HPSE2: variants seen among roughly 807,000 people sequenced by gnomAD.
The protein encoded by HPSE2 is inactive heparanase-2.
HPSE2 carries 38 observed loss-of-function variants against 60.5 expected under a neutral mutation model. That is an observed-to-expected ratio of 0.63 (90% confidence interval 0.48 to 0.82). The LOEUF (loss-of-function observed/expected upper bound fraction) is 0.82, where lower values mean the gene tolerates loss of function less well. Ranked by LOEUF, HPSE2 falls within the 40% of genes least tolerant of loss-of-function variation. HPSE2 has a pLI of 0.00. For synonymous variants in HPSE2, 295 were observed against 293.2 expected (o/e 1.01, Z -0.06); for missense variants, 713 against 740.4 (o/e 0.96, Z 0.43).
At chr10:99,211,942 C>A (rs898078848) in intron 2 of HPSE2, among the ~76,000 whole-genome samples, 2 of 152,030 alleles carry the variant, frequency 1.3e-5, no homozygotes, top group African/African-American at 4.8e-5. Flanking sequence ...TATTTGCAAA[C>A]CACACATCTG....
intron 3 of HPSE2, among the ~76,000 whole-genome samples, chr10:99,007,257 G>A (rs1424086086): frequency 6.6e-6 from 1 of 152,080 alleles, no homozygotes; most frequent in East Asian, 1.9e-4. Context: ...CTGGAGTCTG[G>A]GGCTGTGAGG....
At chr10:98,578,432 T>A (rs934446760) in intron 9 of HPSE2, among the ~76,000 whole-genome samples, 3 of 152,184 alleles carry the variant, frequency 2.0e-5, no homozygotes, top group Non-Finnish European at 4.4e-5. Context: ...TGGGCCACAC[T>A]CCTGCTTTTT....
chr10:99,121,251 T>A (rs1409954076), intron 3 of HPSE2, among the ~76,000 whole-genome samples: 1 of 151,658 alleles, frequency 6.6e-6, no homozygotes, highest in Non-Finnish European at 1.5e-5. Context: ...TGAAAACAAA[T>A]GGACACATAG....
At chr10:99,227,545 A>G (rs1441463789) in intron 2 of HPSE2, among the ~76,000 whole-genome samples, 2 of 152,080 alleles carry the variant, frequency 1.3e-5, no homozygotes, top group Non-Finnish European at 2.9e-5. Context: ...TTAAAAAATA[A>G]GCATCAAGAA....
At chr10:98,723,954 C>G (rs1436286093) in intron 4 of HPSE2, among the ~76,000 whole-genome samples, 1 of 152,076 alleles carries the variant, frequency 6.6e-6, no homozygotes, top group Non-Finnish European at 1.5e-5. Context: ...TTTTTTGTGT[C>G]TCTATTTCCT....
At chr10:99,122,983 T>C (rs1054952653) in intron 3 of HPSE2, among the ~76,000 whole-genome samples, 2 of 152,080 alleles carry the variant, frequency 1.3e-5, no homozygotes, top group Admixed American at 6.5e-5. Context: ...TGTGGGAGTA[T>C]AATATAATAT....
chr10:99,244,423 T>TATTATTATTTG, the HPSE2 span, among the ~76,000 whole-genome samples: 1 of 142,380 alleles, frequency 7.0e-6, no homozygotes, highest in African/African-American at 2.6e-5. Flanking sequence ...TTATTATTAT[T>TATTATTATTTG]TGAGACACGG....
intron 3 of HPSE2, among the ~76,000 whole-genome samples, chr10:98,911,878 T>G (rs1269152067): frequency 6.6e-6 from 1 of 152,194 alleles, no homozygotes; most frequent in African/African-American, 2.4e-5. Flanking sequence ...GGATATGGGT[T>G]TAAAACCTGG....
chr10:99,054,945 C>T (rs1255432990), intron 3 of HPSE2, among the ~76,000 whole-genome samples: 1 of 152,048 alleles, frequency 6.6e-6, no homozygotes, highest in Non-Finnish European at 1.5e-5. Flanking sequence ...AACTCCTGAC[C>T]TTGTGATCTG....
chr10:99,175,118 A>G (rs1847472398), intron 2 of HPSE2, among the ~76,000 whole-genome samples: 1 of 152,154 alleles, frequency 6.6e-6, no homozygotes. Context: ...TTCACAACCC[A>G]CAGACCAGGA....
intron 9 of HPSE2, among the ~76,000 whole-genome samples, chr10:98,491,209 T>A (rs11189632): frequency 1.7e-4 from 1 of 5,992 alleles, no homozygotes; most frequent in Non-Finnish European, 4.6e-3. Flanking sequence ...TCTGATAATC[T>A]TTTTTTTTTT....
chr10:98,606,076 C>G (rs975207836), intron 9 of HPSE2, among the ~76,000 whole-genome samples: 1 of 152,142 alleles, frequency 6.6e-6, no homozygotes, highest in Non-Finnish European at 1.5e-5. Flanking sequence ...TTTAGTCTCC[C>G]CTTCTAGACT....
chr10:99,048,246 A>G, intron 3 of HPSE2: 1 of 551,894 alleles, frequency 1.8e-6, no homozygotes, highest in Middle Eastern at 4.6e-4. Flanking sequence ...TGCTTCAAAG[A>G]AGCAAATAAC....
intron 3 of HPSE2, among the ~76,000 whole-genome samples, chr10:98,749,947 T>TATATATATATATATATACACACAC: frequency 0.04 from 3,957 of 98,324 alleles, 152 homozygotes; most frequent in Admixed American, 0.095. Context: ...TATATATATA[T>TATATATATATATATATACACACAC]ACACACACAC....
intron 9 of HPSE2, among the ~76,000 whole-genome samples, chr10:98,611,616 C>G (rs184539107): frequency 6.6e-6 from 1 of 152,214 alleles, no homozygotes; most frequent in East Asian, 1.9e-4. Context: ...ATTCCCAGGT[C>G]TGTCTCCATT....
intron 2 of HPSE2, among the ~76,000 whole-genome samples, chr10:99,145,782 G>T (rs1026994265): frequency 2.6e-5 from 4 of 152,154 alleles, no homozygotes; most frequent in African/African-American, 9.7e-5. Flanking sequence ...AGAAAATAGG[G>T]CATATGGTGA....
intron 3 of HPSE2, among the ~76,000 whole-genome samples, chr10:98,850,592 C>A (rs1374569856): frequency 1.3e-5 from 2 of 151,974 alleles, no homozygotes; most frequent in Non-Finnish European, 2.9e-5. Flanking sequence ...AAAAAATTAG[C>A]CAGGCGTGGT....
At chr10:98,682,826 AAAAAGTTGG>A (rs1250732053) in intron 6 of HPSE2, among the ~76,000 whole-genome samples, 1 of 152,174 alleles carries the variant, frequency 6.6e-6, no homozygotes, top group Non-Finnish European at 1.5e-5. Context: ...TCCTGAGACA[AAAAAGTTGG>A]GAAACCACTT....
chr10:98,935,947 T>C (rs1405568434), intron 3 of HPSE2, among the ~76,000 whole-genome samples: 1 of 144,642 alleles, frequency 6.9e-6, no homozygotes, highest in Non-Finnish European at 1.5e-5. Context: ...GAGATGTGAG[T>C]TCTGTCTGTA....
Sources: gnomAD v4.1 joint callset for allele counts (sites outside exome capture counted in the v4.1 genomes callset) on GRCh38, gnomAD v4.1.1 for gene constraint, MANE v1.5 for transcripts, NCBI Gene and HGNC (gene_info 2026-07-23, HGNC 2026-07-21) for gene names.